The following CDH18 variants were observed in gnomAD, a reference collection of about 807,000 sequenced individuals.
CDH18 encodes the protein cadherin-18.
CDH18 carries 31 observed loss-of-function variants against 67.9 expected under a neutral mutation model. That is an observed-to-expected ratio of 0.46 (90% CI 0.34 to 0.62). The LOEUF (loss-of-function observed/expected upper bound fraction) is 0.62, where lower values mean the gene tolerates loss of function less well. CDH18 is among the 20% of genes least tolerant of loss of function. The probability of loss-of-function intolerance (pLI) is 0.01; values close to 1 mark genes in which losing one functional copy is unlikely to be tolerated. For synonymous variants in CDH18, 362 were observed against 347.2 expected (o/e 1.04, Z -0.48); for missense variants, 890 against 975.5 (o/e 0.91, Z 1.17).
In CDH18 at chr5:20,569,164, A is replaced by G. The variant is rs1044172889; in HGVS notation, c.-580+6298T>C. Among the ~76,000 whole-genome samples the G allele has an allele frequency of 1.5e-4, 23 of 152,332 alleles. 1 individual carries two copies. In the Middle Eastern group the frequency reaches 0.02, roughly 135 times the overall value. Reference sequence around the variant, plus strand: ...ACGAGTCGTGTACATACCCACCTTCATATAATATTAGAACATGAGACTGTT... The same window carrying G: ...ACGAGTCGTGTACATACCCACCTTCGTATAATATTAGAACATGAGACTGTT... On this transcript the variant is annotated intron_variant, in intron 1 of 14. Transcript: ENST00000507958.
At chr5:20,330,072 AAAAT>A (rs1739020946) in intron 1 of CDH18, among the ~76,000 whole-genome samples, 1 of 152,152 alleles carries the variant, frequency 6.6e-6, no homozygotes, top group South Asian at 2.1e-4. Flanking sequence ...AATAAAGTAA[AAAAT>A]ATATGTTTTA....
intron 1 of CDH18, among the ~76,000 whole-genome samples, chr5:20,441,417 G>A (rs1008950999): frequency 6.6e-6 from 1 of 151,676 alleles, no homozygotes; most frequent in Non-Finnish European, 1.5e-5. Flanking sequence ...GGAATGATGT[G>A]TGTGCGTCTG....
intron 2 of CDH18, among the ~76,000 whole-genome samples, chr5:20,142,152 G>T (rs529360182): frequency 2.6e-4 from 40 of 152,170 alleles, no homozygotes; most frequent in Admixed American, 6.5e-4. Context: ...TGAAAGAATA[G>T]TTCAGTTAGT....
chr5:20,334,729 A>ATCTATC (rs1739549019), intron 1 of CDH18, among the ~76,000 whole-genome samples: 1 of 129,696 alleles, frequency 7.7e-6, no homozygotes. Flanking sequence ...GAGTGCTATG[A>ATCTATC]TCTCTCTCTC....
chr5:20,442,747 T>G (rs894931657), intron 1 of CDH18, among the ~76,000 whole-genome samples: 3 of 151,886 alleles, frequency 2.0e-5, no homozygotes, highest in Admixed American at 2.0e-4. Flanking sequence ...AGGAAAAGCC[T>G]GCTATACCTC....
intron 2 of CDH18, among the ~76,000 whole-genome samples, chr5:19,887,873 T>A (rs1788388193): frequency 6.6e-6 from 1 of 151,904 alleles, no homozygotes; most frequent in South Asian, 2.1e-4. Context: ...ACACCCAGGG[T>A]CTTACTTTTG....
intron 2 of CDH18, among the ~76,000 whole-genome samples, chr5:20,008,038 A>G (rs1330183590): frequency 6.6e-6 from 1 of 152,002 alleles, no homozygotes; most frequent in Non-Finnish European, 1.5e-5. Context: ...ATATTCTGGG[A>G]GTTTCTCAAT....
chr5:20,023,576 G>A (rs1337839548), intron 2 of CDH18, among the ~76,000 whole-genome samples: 9 of 150,562 alleles, frequency 6.0e-5, no homozygotes, highest in Admixed American at 3.3e-4. Flanking sequence ...GGAGAATGGC[G>A]TGAACCCGGG....
At chr5:19,896,383 C>G (rs1228545954) in intron 2 of CDH18, among the ~76,000 whole-genome samples, 1 of 151,954 alleles carries the variant, frequency 6.6e-6, no homozygotes, top group Non-Finnish European at 1.5e-5. Context: ...AAATAAAGAG[C>G]TTATCCTAGA....
chr5:20,088,621 G>A (rs1019608258), intron 2 of CDH18, among the ~76,000 whole-genome samples: 4 of 152,096 alleles, frequency 2.6e-5, no homozygotes, highest in Non-Finnish European at 5.9e-5. Context: ...GAAAAAATCA[G>A]GGCCAGAATG....
chr5:20,503,047 G>A (rs2254473), intron 1 of CDH18, among the ~76,000 whole-genome samples: 113,638 of 151,976 alleles, frequency 0.75, 42,838 homozygotes, highest in East Asian at 0.97. Flanking sequence ...AGCCAATTAG[G>A]GAACTCCAGT....
chr5:20,005,258 C>T (rs973946896), intron 2 of CDH18, among the ~76,000 whole-genome samples: 17 of 152,114 alleles, frequency 1.1e-4, no homozygotes, highest in South Asian at 6.2e-4. Context: ...TAGAAGACAG[C>T]GCAGAGCCTA....
chr5:19,724,608 G>T (rs1455821743), intron 4 of CDH18, among the ~76,000 whole-genome samples: 2 of 151,460 alleles, frequency 1.3e-5, no homozygotes, highest in Non-Finnish European at 2.9e-5. Context: ...CAATAACCTG[G>T]TTATGATATT....
intron 2 of CDH18, among the ~76,000 whole-genome samples, chr5:19,895,670 G>T (rs553432472): frequency 1.9e-4 from 29 of 152,256 alleles, no homozygotes; most frequent in South Asian, 1.2e-3. Context: ...CAACGAAATG[G>T]CTCAGCAATA....
At chr5:20,426,090 AAC>A (rs1434349602) in intron 1 of CDH18, among the ~76,000 whole-genome samples, 1 of 151,288 alleles carries the variant, frequency 6.6e-6, no homozygotes, top group Non-Finnish European at 1.5e-5. Flanking sequence ...GTTTGCTCTG[AAC>A]ACAGATTACA....
chr5:19,947,514 G>A (rs1222023632), intron 2 of CDH18, among the ~76,000 whole-genome samples: 1 of 150,460 alleles, frequency 6.6e-6, no homozygotes, highest in East Asian at 2.0e-4. Context: ...GCTGAGTTGG[G>A]TGGATTGCCT....
At chr5:19,516,372 T>A (rs547960702) in intron 10 of CDH18, among the ~76,000 whole-genome samples, 12 of 152,274 alleles carry the variant, frequency 7.9e-5, no homozygotes, top group African/African-American at 2.2e-4. Flanking sequence ...ATAAAATGAG[T>A]TTGGGAGGAT....
At chr5:20,009,875 TA>T (rs1375753647) in intron 2 of CDH18, among the ~76,000 whole-genome samples, 1 of 152,144 alleles carries the variant, frequency 6.6e-6, no homozygotes, top group African/African-American at 2.4e-5. Flanking sequence ...ATACATTCTT[TA>T]TTTTTAAAAT....
chr5:19,729,780 G>A (rs1217460972), intron 4 of CDH18, among the ~76,000 whole-genome samples: 4 of 152,188 alleles, frequency 2.6e-5, no homozygotes, highest in South Asian at 2.1e-4. Flanking sequence ...TGGACTGATC[G>A]TATGCCCACT....
Sources: gnomAD v4.1 joint callset for allele counts (sites outside exome capture counted in the v4.1 genomes callset) on GRCh38, gnomAD v4.1.1 for gene constraint, MANE v1.5 for transcripts, NCBI Gene and HGNC (gene_info 2026-07-23, HGNC 2026-07-21) for gene names.